The following LRP8 variants were observed in gnomAD, a reference collection of about 807,000 sequenced individuals.
The protein encoded by LRP8 is low-density lipoprotein receptor-related protein 8.
Under a neutral mutation model 111.6 loss-of-function variants are expected in LRP8, and 46 were observed. The observed-to-expected ratio is 0.41, with a 90% CI of 0.33 to 0.53. LRP8 has a LOEUF of 0.53. LRP8 is among the 20% of genes least tolerant of loss of function. The probability of loss-of-function intolerance (pLI) is 0.20; values close to 1 mark genes in which losing one functional copy is unlikely to be tolerated. For synonymous variants in LRP8, 464 were observed against 511.2 expected (o/e 0.91, Z 1.24); for missense variants, 959 against 1,297.4 (o/e 0.74, Z 4.01).
intron 2 of LRP8, among the ~76,000 whole-genome samples, chr1:53,315,513 A>T (rs1363758159): frequency 6.6e-6 from 1 of 152,190 alleles, no homozygotes; most frequent in Non-Finnish European, 1.5e-5. Flanking sequence ...AGAGAGGTGA[A>T]GTCATTTGCT....
chr1:53,251,610 T>C (rs1001770410), intron 16 of LRP8, among the ~76,000 whole-genome samples: 3 of 150,250 alleles, frequency 2.0e-5, no homozygotes, highest in African/African-American at 7.4e-5. Flanking sequence ...TAGGATGCTA[T>C]GGAAGGGGTT....
intron 3 of LRP8, among the ~76,000 whole-genome samples, chr1:53,285,895 G>A (rs1361437816): frequency 6.6e-6 from 1 of 152,178 alleles, no homozygotes; most frequent in African/African-American, 2.4e-5. Context: ...TCCAAAGCTG[G>A]CAAGGGGGCT....
At chr1:53,282,993 A>G (rs76362218) in intron 3 of LRP8, among the ~76,000 whole-genome samples, 20,299 of 152,140 alleles carry the variant, frequency 0.13, 1,522 homozygotes, top group South Asian at 0.22. Context: ...AAGTTGTGTC[A>G]GGCTGCTCTG....
chr1:53,248,485 A>G (rs1359364403), intron 18 of LRP8, among the ~76,000 whole-genome samples: 9 of 152,212 alleles, frequency 5.9e-5, no homozygotes, highest in South Asian at 2.1e-4. Context: ...AGGAAAGAGC[A>G]TGGGCTTTTG....
In LRP8 at chr1:53,275,288, G is replaced by T. The variant is rs904128543; in HGVS notation, c.1006+343C>A. On this transcript the variant is annotated intron_variant, in intron 6 of 18. Transcript: ENST00000306052. This position sits in a 1 kb window ranked among gnomAD's most constrained non-coding sequence, Gnocchi z 4.4. ...GAAGAACCATCTGAGAACTAAAGGG[G>T]CTCCCTGGGGAGCAAGACTCAGCCT... is the stretch of plus-strand genomic sequence containing the variant. Among the ~76,000 whole-genome samples, 14 of 152,144 alleles carry T rather than the reference G, an allele frequency of 9.2e-5. No individual in the cohort carries two copies. The highest frequency in any genetic ancestry group is 9.2e-4 in the Admixed American group (14 of 15,286).
chr1:53,276,693 G>T lies in LRP8; in HGVS notation c.882C>A (p.Cys294Ter). ...CTGGGCGGTATGGAGGGGGCTTACG[G>T]CAGTCGGCCTCGTCCGATTTGTCTT... ...DCKDKSDEAD[C>*]PLGTCRGDEF... The change falls in exon 5 of 19, where the codon TGC becomes TGA. Residue 294 changes from cysteine to a stop codon, truncating the protein, a stop_gained and splice_region_variant. Transcript: ENST00000306052. LOFTEE classifies it high-confidence loss of function. 1.3e-6 allele frequency: 2 copies of T among 1,539,844 alleles called. No homozygotes were observed. Among genetic ancestry groups the T allele is most frequent in the East Asian group, 2.5e-5 (1 of 39,792 alleles).
intron 6 of LRP8, among the ~76,000 whole-genome samples, chr1:53,273,491 A>G (rs985117258): frequency 3.9e-5 from 6 of 152,202 alleles, no homozygotes; most frequent in African/African-American, 1.4e-4. Context: ...GAGGCCACAC[A>G]CAGACACAAG....
chr1:53,264,189 G>A lies in LRP8; in HGVS notation c.1635C>T (p.Ile545=), dbSNP rs781468724. ...FSRNLSEPRA[I]AVDPLRGFMY... is the part of the protein sequence containing the mutation. ...CTCACCCTCGCAGGGGGTCAACAGC[G>A]ATGGCCCGGGGTTCACTGAGGTTAC... is the stretch of plus-strand genomic sequence containing the variant. Residue 545 remains isoleucine (I), a synonymous_variant, in exon 10 of 19, where the codon ATC becomes ATT. Coordinates refer to ENST00000306052, the MANE Select transcript of LRP8 (RefSeq NM_004631.5). 88 of 1,614,046 alleles carry A rather than the reference G, an allele frequency of 5.5e-5. No individual in the cohort carries two copies. Among genetic ancestry groups the A allele is most frequent in the Non-Finnish European group, 7.1e-5 (84 of 1,180,020 alleles).
At chr1:53,319,426 G>C (rs554755816) in intron 2 of LRP8, among the ~76,000 whole-genome samples, 54 of 152,260 alleles carry the variant, frequency 3.5e-4, no homozygotes, top group African/African-American at 1.3e-3. Flanking sequence ...GGGGTCATGG[G>C]AACTGTGTGC....
intron 13 of LRP8, among the ~76,000 whole-genome samples, chr1:53,259,626 G>C (rs994724536): frequency 3.3e-5 from 5 of 151,484 alleles, no homozygotes; most frequent in African/African-American, 1.2e-4. Context: ...CTGTCGCCCA[G>C]GCTGGAGTGC....
rs981535795 is a variant in LRP8 at position 53,276,807 on chromosome 1, G to C, written c.768C>G (p.Pro256=). ...GRPGPGATSA[P]AACATASQFA... ...ACTGGGAGGCGGTGGCGCAGGCGGC[G>C]GGCGCGGACGTGGCCCCGGGGCCCG... The change falls in exon 5 of 19, where the codon CCC becomes CCG. Residue 256 remains proline, a synonymous_variant. Coordinates refer to ENST00000306052, the MANE Select transcript of LRP8 (RefSeq NM_004631.5). 2.7e-5 allele frequency: 34 copies of C among 1,270,592 alleles called. No individual in the cohort carries two copies. In the Admixed American group the frequency reaches 1.4e-3, roughly 53 times the overall value. 78.7% of individuals were successfully genotyped at this position (1,270,592 alleles called of 1,614,324 possible).
chr1:53,286,567 C>G (rs1397628363), intron 3 of LRP8, among the ~76,000 whole-genome samples: 3 of 152,192 alleles, frequency 2.0e-5, no homozygotes, highest in Non-Finnish European at 2.9e-5. Context: ...ATAATTAGAG[C>G]TGAAATGCTA....
At chr1:53,313,481 C>T (rs533991077) in intron 2 of LRP8, among the ~76,000 whole-genome samples, 77 of 152,218 alleles carry the variant, frequency 5.1e-4, no homozygotes, top group African/African-American at 1.8e-3. Flanking sequence ...TTGTGGACTG[C>T]ATTGTGAACC....
chr1:53,314,681 G>C lies in LRP8; in HGVS notation c.244+12192C>G, dbSNP rs1436534906. On this transcript the variant is annotated intron_variant, in intron 2 of 18. Coordinates refer to ENST00000306052, the MANE Select transcript of LRP8 (RefSeq NM_004631.5). ...GGAGCTGCTTCGTCAGTGGGTGAGC[G>C]CCCAGTCCCCGGACGCATTGGACCC... Among the ~76,000 whole-genome samples the C allele has an allele frequency of 1.3e-5, 2 of 152,248 alleles. 1 individual carries two copies. The highest frequency in any genetic ancestry group is 6.8e-3 in the Middle Eastern group (2 of 294).
At chr1:53,259,126 G>A (rs1646228270) in intron 13 of LRP8, among the ~76,000 whole-genome samples, 1 of 151,934 alleles carries the variant, frequency 6.6e-6, no homozygotes, top group Non-Finnish European at 1.5e-5. Flanking sequence ...TATGTTTTAT[G>A]TTTTGAGACA....
intron 6 of LRP8, among the ~76,000 whole-genome samples, chr1:53,272,173 C>T (rs1004254944): frequency 6.6e-6 from 1 of 152,036 alleles, no homozygotes; most frequent in African/African-American, 2.4e-5. Context: ...TTTTTAACTC[C>T]TCTCCTCTCA....
chr1:53,316,452 G>A (rs1653814257), intron 2 of LRP8, among the ~76,000 whole-genome samples: 1 of 152,228 alleles, frequency 6.6e-6, no homozygotes, highest in Admixed American at 6.5e-5. Flanking sequence ...GCCTCCAGTA[G>A]ATGTAGGCTC....
chr1:53,271,190 A>G, intron 7 of LRP8, 37 bp from the exon 8 acceptor site: 5 of 1,613,702 alleles, frequency 3.1e-6, no homozygotes, highest in Non-Finnish European at 3.4e-6. Context: ...CAGCAGGAGG[A>G]TCTGCTTCTG....
intron 12 of LRP8, 96 bp from the exon 13 acceptor site, chr1:53,260,701 C>T (rs1646300307): frequency 1.5e-5 from 19 of 1,239,632 alleles, no homozygotes; most frequent in Non-Finnish European, 2.1e-5. Context: ...CAAGAACTTC[C>T]CTGAAATCTC....
Sources: allele counts gnomAD v4.1 joint callset (sites outside exome capture counted in the v4.1 genomes callset), GRCh38; gene constraint gnomAD v4.1.1; non-coding constraint Gnocchi (gnomAD v3.1); transcripts MANE v1.5; gene names NCBI Gene and HGNC (gene_info 2026-07-23, HGNC 2026-07-21).